The following CYP2R1 variants were observed in gnomAD, a reference collection of about 807,000 sequenced individuals.
The protein encoded by CYP2R1 is cytochrome P450 family 2 subfamily R member 1, also known as vitamin D 25-hydroxylase.
A neutral mutation model predicts 45.7 loss-of-function variants in CYP2R1; 40 were observed. The observed-to-expected ratio is 0.87, with a 90% CI of 0.68 to 1.14. CYP2R1 has a LOEUF of 1.14. Among genes scored for constraint, CYP2R1 ranks in the 50% most tolerant of loss-of-function variants. CYP2R1 has a pLI of 0.00. For synonymous variants in CYP2R1, 234 were observed against 219.3 expected (o/e 1.07, Z -0.59); for missense variants, 605 against 602.6 (o/e 1.00, Z -0.04).
intron 1 of CYP2R1, chr11:14,890,967 GATA>G (rs782531709): frequency 1.0e-4 from 102 of 985,256 alleles, no homozygotes; most frequent in Admixed American, 1.2e-4. Context: ...GCCTGTGGCC[GATA>G]ATGAGATTAG....
chr11:14,886,047 A>G, intron 1 of CYP2R1, 130 bp from the exon 2 acceptor site: 1 of 851,024 alleles, frequency 1.2e-6, no homozygotes. Context: ...GGCAGTTATT[A>G]CTCAACTGAC....
chr11:14,886,133 A>G (rs1555014615), intron 1 of CYP2R1: 1 of 566,462 alleles, frequency 1.8e-6, no homozygotes, highest in African/African-American at 1.9e-5. Context: ...GCCTAAAGTC[A>G]CAGTCTTACC....
chr11:14,879,505 C>A (rs1848293069), intron 3 of CYP2R1, 62 bp from the exon 4 acceptor site: 1 of 1,321,806 alleles, frequency 7.6e-7, no homozygotes, highest in African/African-American at 1.5e-5. Flanking sequence ...AAAGTTATTT[C>A]CCTCTGGAAT....
At chr11:14,879,736 T>A (rs1848303421) in intron 3 of CYP2R1, among the ~76,000 whole-genome samples, 1 of 151,758 alleles carries the variant, frequency 6.6e-6, no homozygotes, top group South Asian at 2.1e-4. Flanking sequence ...TATATCTTGT[T>A]CTAACAGTAG....
Position 14,880,401 on chromosome 11 carries a change from C to T in CYP2R1, c.735G>A (p.Gln245=), listed in dbSNP as rs782324999. 5 of 1,613,418 alleles carry T rather than the reference C, an allele frequency of 3.1e-6. No individual in the cohort carries two copies. Among genetic ancestry groups the T allele is most frequent in the East Asian group, 4.5e-5 (2 of 44,862 alleles). Reference sequence around the variant, plus strand: ...AGACTACAGCTGCATTTCTAAACAGCTGTTGATGTTTTCCAAAAGGCAGGA... The same window carrying T: ...AGACTACAGCTGCATTTCTAAACAGTTGTTGATGTTTTCCAAAAGGCAGGA... ...IGILPFGKHQ[Q]LFRNAAVVYD... Residue 245 remains glutamine, a synonymous_variant, in exon 3 of 5, where the codon CAG becomes CAA. Coordinates refer to ENST00000334636, the MANE Select transcript of CYP2R1 (RefSeq NM_024514.5).
chr11:14,891,370 C>T (rs1848848829), intron 1 of CYP2R1: 2 of 985,638 alleles, frequency 2.0e-6, no homozygotes, highest in Non-Finnish European at 2.4e-6. Context: ...TTACCATCTG[C>T]GCTGTAGGAC....
intron 2 of CYP2R1, among the ~76,000 whole-genome samples, chr11:14,884,814 TA>T (rs1848549360): frequency 6.6e-6 from 1 of 152,108 alleles, no homozygotes; most frequent in African/African-American, 2.4e-5. Context: ...CTTTGAAAAA[TA>T]TATACTTTTC....
At chr11:14,886,962 G>A (rs1236609269) in intron 1 of CYP2R1, 1 of 152,236 alleles carries the variant, frequency 6.6e-6, no homozygotes, top group Non-Finnish European at 1.5e-5. Flanking sequence ...GGTGGGCTCT[G>A]CCAAGTGAGC....
intron 1 of CYP2R1, among the ~76,000 whole-genome samples, chr11:14,890,217 C>T (rs1406379205): frequency 1.3e-5 from 2 of 151,252 alleles, no homozygotes; most frequent in Non-Finnish European, 2.9e-5. Flanking sequence ...TTCTCACTAC[C>T]GAGAAAAAAA....
Position 14,888,670 on chromosome 11 carries a change from T to C in CYP2R1, c.226-2753A>G, listed in dbSNP as rs1565187719. 2.0e-5 allele frequency among the ~76,000 whole-genome samples: 3 copies of C among 152,224 alleles called. No individual in the cohort carries two copies. The South Asian group carries it at 6.2e-4, about 31-fold the overall frequency. ...CTATCTTGAACCAGAAACATTCATA[T>C]TCTTGTCTTCTGCCTGCATGCTAAA... On this transcript the variant is annotated intron_variant, in intron 1 of 4. Transcript: ENST00000334636.
In CYP2R1 at chr11:14,877,544, C is replaced by T. The variant is rs1318343073; in HGVS notation, c.*578G>A. The T allele has an allele frequency of 6.6e-6, 1 of 152,188 alleles. No individual in the cohort carries two copies. Among genetic ancestry groups the T allele is most frequent in the African/African-American group, 2.4e-5 (1 of 41,430 alleles). The allele number at this position is 152,188 out of a possible 1,614,324, so 9.4% of individuals were successfully genotyped here. ...ACCCTCATTTATAAGAAGAATGACA[C>T]AGTTCTTATGAAGACAGAGCAGGAA... is the stretch of plus-strand genomic sequence containing the variant. On this transcript the variant is annotated 3_prime_UTR_variant, in exon 5 of 5. Coordinates refer to ENST00000334636, the MANE Select transcript of CYP2R1 (RefSeq NM_024514.5).
intron 1 of CYP2R1, chr11:14,886,270 T>C (rs1195034392): frequency 1.9e-5 from 4 of 210,570 alleles, no homozygotes; most frequent in Non-Finnish European, 2.9e-5. Flanking sequence ...CCATAGAAAA[T>C]ATATTTGATA....
intron 2 of CYP2R1, among the ~76,000 whole-genome samples, chr11:14,881,655 G>C (rs1430103944): frequency 6.6e-6 from 1 of 152,022 alleles, no homozygotes; most frequent in Non-Finnish European, 1.5e-5. Context: ...TTCTCGCTCA[G>C]TTAATGTGAG....
intron 1 of CYP2R1, chr11:14,887,664 C>A: frequency 1.0e-6 from 1 of 984,972 alleles, no homozygotes; most frequent in Non-Finnish European, 1.2e-6. Flanking sequence ...AAGTCTCTTT[C>A]CCTCACCCAA....
At chr11:14,884,866 TC>T (rs1555013834) in intron 2 of CYP2R1, among the ~76,000 whole-genome samples, 2 of 152,230 alleles carry the variant, frequency 1.3e-5, no homozygotes, top group African/African-American at 2.4e-5. Flanking sequence ...ATTTTCATCA[TC>T]TTTTTAAAGG....
At chr11:14,891,879 G>T (rs1289511577) in intron 1 of CYP2R1, 102 bp downstream of exon 1, 4 of 1,454,256 alleles carry the variant, frequency 2.8e-6, no homozygotes, top group Non-Finnish European at 2.8e-6. Context: ...GAGAGGTCCC[G>T]ACTAGTCGGC....
Position 14,892,193 on chromosome 11 carries a change from A to C in CYP2R1, c.13T>G (p.Trp5Gly), listed in dbSNP as rs781785006. The C allele has an allele frequency of 4.3e-6, 7 of 1,610,036 alleles. No homozygotes were observed. The highest frequency in any genetic ancestry group is 5.1e-6 in the Non-Finnish European group (6 of 1,179,762). Residue 5 changes from tryptophan to glycine, a missense_variant, in exon 1 of 5, where the codon TGG (tryptophan) becomes GGG (glycine). Coordinates refer to ENST00000334636, the MANE Select transcript of CYP2R1 (RefSeq NM_024514.5). ...GCCGCCGCGCCCTCTTCAGCTCTCC[A>C]AAGCTTCCACATCGGCCCGAGCTGG... Reference protein sequence around the residue: MWKLWRAEEGAAALG... With the variant: MWKLGRAEEGAAALG...
At chr11:14,881,814 A>G (rs890005410) in intron 2 of CYP2R1, among the ~76,000 whole-genome samples, 3 of 152,078 alleles carry the variant, frequency 2.0e-5, no homozygotes, top group Non-Finnish European at 4.4e-5. Flanking sequence ...AGATGCCAGC[A>G]CCATGCTTCC....
chr11:14,881,172 T>C (rs1848371148), intron 2 of CYP2R1, among the ~76,000 whole-genome samples: 1 of 152,142 alleles, frequency 6.6e-6, no homozygotes, highest in South Asian at 2.1e-4. Context: ...CTTCTAGGAT[T>C]AGAAATTTTC....
Sources: gnomAD v4.1 joint callset for allele counts (sites outside exome capture counted in the v4.1 genomes callset) on GRCh38, gnomAD v4.1.1 for gene constraint, MANE v1.5 for transcripts, NCBI Gene and HGNC (gene_info 2026-07-23, HGNC 2026-07-21) for gene names.